ATAD1: variants seen among roughly 807,000 people sequenced by gnomAD.
The protein encoded by ATAD1 is outer mitochondrial transmembrane helix translocase.
Under a neutral mutation model 42.7 loss-of-function variants are expected in ATAD1, and 18 were observed. The observed-to-expected ratio is 0.42, with a 90% confidence interval of 0.29 to 0.63. ATAD1 has a LOEUF of 0.63. ATAD1 is among the 20% of genes least tolerant of loss of function. The probability of loss-of-function intolerance (pLI) is 0.19; values close to 1 mark genes in which losing one functional copy is unlikely to be tolerated. For synonymous variants in ATAD1, 132 were observed against 143.1 expected, an observed-to-expected ratio of 0.92 and a Z score of 0.55; for missense variants, 294 against 440.4, an observed-to-expected ratio of 0.67 and a Z score of 2.98.
chr10:87,818,262 C>T (rs1857528204), upstream of ATAD1: 1 of 985,328 alleles, frequency 1.0e-6, no homozygotes, highest in Non-Finnish European at 1.2e-6. Context: ...GGAGGCGCGG[C>T]GCACTCCCTC....
At chr10:87,763,473 A>G (rs992785226) in intron 8 of ATAD1, among the ~76,000 whole-genome samples, 1 of 152,234 alleles carries the variant, frequency 6.6e-6, no homozygotes, top group Non-Finnish European at 1.5e-5. Flanking sequence ...TGCCTGGATA[A>G]CAGAGCGAGA....
intron 2 of ATAD1, among the ~76,000 whole-genome samples, chr10:87,798,627 T>TGG (rs777137613): frequency 1.4e-5 from 2 of 140,916 alleles, no homozygotes; most frequent in African/African-American, 5.4e-5. Flanking sequence ...CTATAGGGGG[T>TGG]GTGTGTGTGT....
chr10:87,829,231 TTTA>T (rs373360194), intron 1 of ATAD1, among the ~76,000 whole-genome samples: 14,920 of 138,894 alleles, frequency 0.11, 911 homozygotes, highest in Middle Eastern at 0.2. Flanking sequence ...CATTATTTTA[TTTA>T]TTATTTATTT....
intron 3 of ATAD1, among the ~76,000 whole-genome samples, chr10:87,791,505 A>G (rs967127635): frequency 6.6e-6 from 1 of 152,194 alleles, no homozygotes; most frequent in African/African-American, 2.4e-5. Flanking sequence ...TAAGTCTGTT[A>G]GTACAGATTT....
intron 2 of ATAD1, among the ~76,000 whole-genome samples, chr10:87,812,760 T>C (rs1857246087): frequency 6.6e-6 from 1 of 152,210 alleles, no homozygotes; most frequent in Non-Finnish European, 1.5e-5. Context: ...TAAAATGCTG[T>C]GTATTTTTTA....
intron 7 of ATAD1, 41 bp from the exon 8 acceptor site, chr10:87,767,764 A>T (rs758136201): frequency 3.9e-6 from 6 of 1,557,916 alleles, no homozygotes; most frequent in Admixed American, 1.9e-5. Flanking sequence ...TTTATTTTTT[A>T]TTTTTTTAAA....
chr10:87,759,816 T>G (rs970246826), intron 8 of ATAD1: 1 of 453,632 alleles, frequency 2.2e-6, no homozygotes. Flanking sequence ...ATGTACTCCT[T>G]AGATAAATGA....
At chr10:87,773,596 G>C (rs1011754906) in intron 6 of ATAD1, among the ~76,000 whole-genome samples, 6 of 152,120 alleles carry the variant, frequency 3.9e-5, no homozygotes, top group African/African-American at 1.4e-4. Context: ...AAAGGCAGCA[G>C]CATTTGCTCT....
intron 1 of ATAD1, among the ~76,000 whole-genome samples, chr10:87,838,134 A>C (rs1857961608): frequency 6.6e-6 from 1 of 152,238 alleles, no homozygotes. Context: ...TTTAAATTCT[A>C]GTCTTTTTCC....
At chr10:87,763,080 C>CAAAA (rs71019501) in intron 8 of ATAD1, among the ~76,000 whole-genome samples, 2 of 26,526 alleles carry the variant, frequency 7.5e-5, no homozygotes, top group Non-Finnish European at 7.6e-5. Context: ...GACTCTGTCA[C>CAAAA]AAAAAAAAAA....
chr10:87,792,754 G>A lies in ATAD1; in HGVS notation c.164C>T (p.Ala55Val), dbSNP rs1376233244. The change falls in exon 3 of 10, where the codon GCA becomes GTA. Residue 55 changes from alanine to valine, a missense_variant and splice_region_variant. By Grantham distance (64) the Ala-to-Val change is moderately conservative. This residue lies in a region of ATAD1 where 121 missense variants were observed against 187.3 expected (regional missense o/e 0.65). Transcript: ENST00000680024. ...TCCAATTTGCTTCATTAGTTTTTCTGCCTAGAATGAAAAGAACAAACAACC... is the reference window on the plus strand; with the variant it reads ...TCCAATTTGCTTCATTAGTTTTTCTACCTAGAATGAAAAGAACAAACAACC... The part of the protein sequence containing the change: ...RKQKVEAQKQ[A>V]EKLMKQIGVK... The A allele has an allele frequency of 2.0e-5, 33 of 1,611,846 alleles. No homozygotes were observed. Among genetic ancestry groups the A allele is most frequent in the Non-Finnish European group, 2.7e-5 (32 of 1,178,346 alleles).
intron 2 of ATAD1, among the ~76,000 whole-genome samples, chr10:87,793,510 A>G (rs2131944710): frequency 6.6e-6 from 1 of 152,336 alleles, no homozygotes; most frequent in Middle Eastern, 3.4e-3. Context: ...TATTTTCCCA[A>G]TCACAGAAAA....
intron 2 of ATAD1, among the ~76,000 whole-genome samples, chr10:87,796,375 C>T (rs1856388624): frequency 6.6e-6 from 1 of 152,198 alleles, no homozygotes; most frequent in African/African-American, 2.4e-5. Flanking sequence ...GTATATCTTA[C>T]TGCCTCCTTT....
intron 5 of ATAD1, among the ~76,000 whole-genome samples, chr10:87,778,462 G>T (rs1855417620): frequency 6.6e-6 from 1 of 152,098 alleles, no homozygotes. Context: ...ATAATGATAT[G>T]ATATCTTGGG....
At chr10:87,776,256 C>T in intron 6 of ATAD1, 65 bp downstream of exon 6, 1 of 1,232,728 alleles carries the variant, frequency 8.1e-7, no homozygotes, top group South Asian at 1.3e-5. Context: ...AGTAAGTAGC[C>T]CAGCAAATTT....
At chr10:87,794,771 CTT>C (rs1386535251) in intron 2 of ATAD1, among the ~76,000 whole-genome samples, 1 of 152,140 alleles carries the variant, frequency 6.6e-6, no homozygotes, top group East Asian at 1.9e-4. Context: ...AAAATTGCCT[CTT>C]GATTTAAAGA....
In ATAD1 at chr10:87,770,989, A is replaced by G. The variant is rs1391181375; in HGVS notation, c.743T>C (p.Met248Thr). The change falls in exon 7 of 10, where the codon ATG (methionine) becomes ACG (threonine). Residue 248 changes from methionine (M) to threonine (T), a missense_variant. Physicochemically the swap from Met to Thr is moderately conservative, Grantham distance 81 (BLOSUM62 -1). Coordinates refer to ENST00000680024, the MANE Select transcript of ATAD1 (RefSeq NM_001321967.2). ...NRPQDLDSAI[M>T]RRMPTRFHIN... Reference sequence around the variant, plus strand: ...ATGAAATCTTGTAGGCATTCTTCTCATTATAGCCGAGTCAAGGTCCTGAGG... The same window carrying G: ...ATGAAATCTTGTAGGCATTCTTCTCGTTATAGCCGAGTCAAGGTCCTGAGG... The G allele has an allele frequency of 6.2e-7, 1 of 1,613,606 alleles. No individual in the cohort carries two copies. Among genetic ancestry groups the G allele is most frequent in the Admixed American group, 1.7e-5 (1 of 59,996 alleles).
At chr10:87,764,088 C>A (rs1854621263) in intron 8 of ATAD1, among the ~76,000 whole-genome samples, 1 of 151,710 alleles carries the variant, frequency 6.6e-6, no homozygotes, top group Non-Finnish European at 1.5e-5. Flanking sequence ...CACGAAAGAC[C>A]AAGACCTGAA....
At chr10:87,806,310 T>C (rs1589544955) in intron 2 of ATAD1, among the ~76,000 whole-genome samples, 2 of 152,110 alleles carry the variant, frequency 1.3e-5, no homozygotes, top group African/African-American at 4.8e-5. Flanking sequence ...GTGCTTTTAC[T>C]AATAACTAGG....
Sources: gnomAD v4.1 joint callset for allele counts (sites outside exome capture counted in the v4.1 genomes callset) on GRCh38, gnomAD v4.1.1 for gene constraint, gnomAD v4.1.1 regional missense constraint, MANE v1.5 for transcripts, NCBI Gene and HGNC (gene_info 2026-07-23, HGNC 2026-07-21) for gene names.